Variants in KCNMA1 observed in about 807,000 individuals in gnomAD.
KCNMA1 encodes potassium calcium-activated channel subfamily M alpha 1.
Under a neutral mutation model 140.0 loss-of-function variants are expected in KCNMA1, and 29 were observed. That is an observed-to-expected ratio of 0.21 (90% CI 0.15 to 0.28). KCNMA1 has a LOEUF of 0.28. Ranked by LOEUF, KCNMA1 falls within the 10% of genes least tolerant of loss-of-function variation. The probability of loss-of-function intolerance (pLI) is 1.00; values close to 1 mark genes in which losing one functional copy is unlikely to be tolerated. For synonymous variants in KCNMA1, 612 were observed against 611.9 expected (o/e 1.00, Z 0.00); for missense variants, 880 against 1,602.2 (o/e 0.55, Z 7.70).
chr10:77,628,740 T>C (rs1428528095), intron 1 of KCNMA1, among the ~76,000 whole-genome samples: 2 of 152,172 alleles, frequency 1.3e-5, no homozygotes, highest in Non-Finnish European at 2.9e-5. Flanking sequence ...TGGGGAGATC[T>C]ACATAATGTT....
At chr10:77,011,594 G>C (rs2090762259) in intron 18 of KCNMA1, among the ~76,000 whole-genome samples, 3 of 152,252 alleles carry the variant, frequency 2.0e-5, no homozygotes, top group Admixed American at 2.0e-4. Flanking sequence ...TATATACTCA[G>C]GGACCCCCAA....
At chr10:77,621,560 T>C (rs1456852331) in intron 1 of KCNMA1, among the ~76,000 whole-genome samples, 4 of 151,898 alleles carry the variant, frequency 2.6e-5, no homozygotes, top group African/African-American at 9.7e-5. Flanking sequence ...CTCTCTCAAG[T>C]TTTTAAAAAC....
intron 5 of KCNMA1, among the ~76,000 whole-genome samples, chr10:77,173,861 C>A (rs868831869): frequency 3.3e-5 from 5 of 152,044 alleles, no homozygotes; most frequent in African/African-American, 4.8e-5. Flanking sequence ...AGAAGCAACT[C>A]CCTTGGGGGA....
chr10:77,550,451 T>C (rs2062522538), intron 1 of KCNMA1, among the ~76,000 whole-genome samples: 1 of 152,012 alleles, frequency 6.6e-6, no homozygotes, highest in South Asian at 2.1e-4. Flanking sequence ...ACCCTATTCT[T>C]TCCTGTCTCG....
chr10:77,248,409 C>T (rs1022389709), intron 3 of KCNMA1, among the ~76,000 whole-genome samples: 13 of 152,138 alleles, frequency 8.5e-5, no homozygotes, highest in Non-Finnish European at 1.3e-4. Context: ...AGCCATTTCA[C>T]GCATGTCTGT....
At chr10:77,344,468 T>A (rs1055770900) in intron 2 of KCNMA1, among the ~76,000 whole-genome samples, 4 of 152,236 alleles carry the variant, frequency 2.6e-5, no homozygotes, top group African/African-American at 9.6e-5. Flanking sequence ...TTCACTACCA[T>A]GAGAAATAAT....
chr10:77,024,535 A>G (rs1450169276), intron 16 of KCNMA1, among the ~76,000 whole-genome samples: 1 of 152,178 alleles, frequency 6.6e-6, no homozygotes, highest in African/African-American at 2.4e-5. Context: ...ACATTATTGA[A>G]AAGCTATCCT....
At chr10:77,256,509 C>T (rs2060792087) in intron 2 of KCNMA1, among the ~76,000 whole-genome samples, 1 of 152,170 alleles carries the variant, frequency 6.6e-6, no homozygotes, top group Admixed American at 6.5e-5. Flanking sequence ...CCACTTAGCT[C>T]AAGTCAGAGA....
chr10:77,321,317 C>T (rs1407223028), intron 2 of KCNMA1, among the ~76,000 whole-genome samples: 2 of 152,174 alleles, frequency 1.3e-5, no homozygotes, highest in Non-Finnish European at 2.9e-5. Context: ...ATATCAGTAT[C>T]CATTCTCAAG....
chr10:77,219,522 G>A (rs1377093732), intron 3 of KCNMA1, among the ~76,000 whole-genome samples: 1 of 151,920 alleles, frequency 6.6e-6, no homozygotes, highest in East Asian at 1.9e-4. Context: ...CAAAGATTAT[G>A]AGGGTACAGA....
chr10:77,010,643 A>C (rs961250156), intron 18 of KCNMA1, among the ~76,000 whole-genome samples: 2 of 151,766 alleles, frequency 1.3e-5, no homozygotes, highest in African/African-American at 4.8e-5. Flanking sequence ...CCAAGAGTGC[A>C]CCCCAAGGGA....
intron 2 of KCNMA1, among the ~76,000 whole-genome samples, chr10:77,325,473 G>A (rs1302707202): frequency 2.0e-5 from 3 of 152,344 alleles, no homozygotes; most frequent in Middle Eastern, 3.4e-3. Context: ...TACAGCTTGG[G>A]TAGCTGACTA....
At chr10:76,931,849 G>A (rs2059373784) in intron 23 of KCNMA1, among the ~76,000 whole-genome samples, 1 of 152,190 alleles carries the variant, frequency 6.6e-6, no homozygotes, top group South Asian at 2.1e-4. Context: ...TTCCAAAGGT[G>A]TGTTGGTTTC....
intron 1 of KCNMA1, among the ~76,000 whole-genome samples, chr10:77,440,459 G>A (rs749273613): frequency 3.3e-5 from 5 of 152,200 alleles, no homozygotes; most frequent in South Asian, 2.1e-4. Flanking sequence ...ACCACAAAAC[G>A]CTGCTTGCTA....
At chr10:77,183,278 C>T in intron 5 of KCNMA1, 143 bp downstream of exon 5, 2 of 703,196 alleles carry the variant, frequency 2.8e-6, no homozygotes, top group South Asian at 1.5e-5. Flanking sequence ...CCACCATCAA[C>T]TTCTAAAACT....
intron 25 of KCNMA1, among the ~76,000 whole-genome samples, chr10:76,905,743 A>G (rs1210062070): frequency 6.6e-6 from 1 of 152,166 alleles, no homozygotes; most frequent in African/African-American, 2.4e-5. Flanking sequence ...CTTCAAATCA[A>G]TTATCCTTAT....
At chr10:76,988,682 CAT>C (rs2081948548) in intron 19 of KCNMA1, among the ~76,000 whole-genome samples, 1 of 152,116 alleles carries the variant, frequency 6.6e-6, no homozygotes, top group Non-Finnish European at 1.5e-5. Flanking sequence ...CCCAAAAACA[CAT>C]TGAATTTGCT....
chr10:77,191,525 T>G (rs954053974), intron 3 of KCNMA1, among the ~76,000 whole-genome samples: 14 of 152,176 alleles, frequency 9.2e-5, no homozygotes, highest in African/African-American at 2.9e-4. Context: ...TCGATTCTTC[T>G]CATGTTTACA....
At chr10:76,991,360 C>T (rs1418694796) in intron 19 of KCNMA1, among the ~76,000 whole-genome samples, 1 of 152,202 alleles carries the variant, frequency 6.6e-6, no homozygotes, top group Non-Finnish European at 1.5e-5. Flanking sequence ...ACTTTGTTTC[C>T]AGATCTTCTT....
Sources: gnomAD v4.1 joint callset for allele counts (sites outside exome capture counted in the v4.1 genomes callset) on GRCh38, gnomAD v4.1.1 for gene constraint, MANE v1.5 for transcripts, NCBI Gene and HGNC (gene_info 2026-07-23, HGNC 2026-07-21) for gene names.